SMG1: variants seen among roughly 807,000 people sequenced by gnomAD.
SMG1 encodes the protein serine/threonine-protein kinase SMG1.
Under a neutral mutation model 419.9 loss-of-function variants are expected in SMG1, and 22 were observed. The ratio of observed to expected loss-of-function variants is 0.05; its 90% CI spans 0.04 to 0.07. The LOEUF (loss-of-function observed/expected upper bound fraction) is 0.07, where lower values mean the gene tolerates loss of function less well. Ranked by LOEUF, SMG1 falls within the 10% of genes least tolerant of loss-of-function variation. The probability of loss-of-function intolerance (pLI) is 1.00; values close to 1 mark genes in which losing one functional copy is unlikely to be tolerated. For synonymous variants in SMG1, 1,538 were observed against 1,553.5 expected (o/e 0.99, Z 0.23); for missense variants, 3,185 against 4,342.0 (o/e 0.73, Z 7.49).
intron 3 of SMG1, among the ~76,000 whole-genome samples, chr16:18,893,999 G>A (rs991673676): frequency 6.6e-6 from 1 of 151,558 alleles, no homozygotes; most frequent in Non-Finnish European, 1.5e-5. Flanking sequence ...GGAGGCTGCA[G>A]TGAGCTGAGA....
chr16:18,925,821 C>G (rs1288246086), intron 1 of SMG1, 129 bp downstream of exon 1: 13 of 657,478 alleles, frequency 2.0e-5, no homozygotes, highest in Middle Eastern at 8.8e-4. Flanking sequence ...GGAGGAGACC[C>G]AGGAAGCCGC....
intron 12 of SMG1, 123 bp downstream of exon 12, chr16:18,877,008 C>T (rs1332279576): frequency 1.5e-6 from 1 of 682,880 alleles, no homozygotes. Flanking sequence ...AATACAATCA[C>T]TATATTCTAA....
intron 47 of SMG1, 35 bp from the exon 48 acceptor site, chr16:18,836,247 C>G (rs372978848): frequency 1.9e-6 from 3 of 1,601,120 alleles, no homozygotes; most frequent in Non-Finnish European, 2.6e-6. Context: ...CACAGTAAAA[C>G]AGGGTCAAGT....
intron 49 of SMG1, 32 bp downstream of exon 49, chr16:18,834,860 G>A: frequency 1.9e-6 from 3 of 1,597,732 alleles, no homozygotes; most frequent in African/African-American, 1.3e-5. Flanking sequence ...TAAGACACAG[G>A]AAATGGTCCA....
intron 1 of SMG1, among the ~76,000 whole-genome samples, chr16:18,908,837 G>A (rs999847005): frequency 2.0e-5 from 3 of 149,782 alleles, no homozygotes; most frequent in South Asian, 2.1e-4. Context: ...CTGAGATCAC[G>A]CCGCTGCACT....
chr16:18,840,250 TCA>T (rs1280021666), intron 41 of SMG1, among the ~76,000 whole-genome samples: 1 of 152,230 alleles, frequency 6.6e-6, no homozygotes, highest in Non-Finnish European at 1.5e-5. Flanking sequence ...AATACAGAAT[TCA>T]GTTTTAAAAT....
intron 9 of SMG1, 148 bp from the exon 10 acceptor site, chr16:18,882,486 C>T: frequency 2.1e-6 from 1 of 474,354 alleles, no homozygotes. Flanking sequence ...ATATTCATGA[C>T]TCTAAATATA....
Position 18,882,193 on chromosome 16 carries a change from G to A in SMG1, c.1265C>T (p.Pro422Leu), listed in dbSNP as rs761378143. The A allele has an allele frequency of 1.3e-6, 2 of 1,581,320 alleles. No individual in the cohort carries two copies. The highest frequency in any genetic ancestry group is 2.3e-5 in the East Asian group (1 of 44,094). ...IGERFSPIRG[P>L]PITEAYVTDV... The stretch of plus-strand genomic sequence containing the variant: ...TGTTACATATGCCTCAGTAATTGGA[G>A]GACCCCGAATTGGGCTGAAGCGTTC... The change falls in exon 10 of 63, where the codon CCT (proline) becomes CTT (leucine). Residue 422 changes from proline (P) to leucine (L), a missense_variant. Pro to Leu is a moderately conservative substitution (Grantham distance 98). Coordinates refer to ENST00000446231, the MANE Select transcript of SMG1 (RefSeq NM_015092.5).
At chr16:18,900,415 C>T (rs2037301406) in intron 1 of SMG1, among the ~76,000 whole-genome samples, 1 of 152,124 alleles carries the variant, frequency 6.6e-6, no homozygotes, top group South Asian at 2.1e-4. Context: ...ACCAACAATC[C>T]ACCATGTGCT....
chr16:18,891,604 T>G (rs1433248526), intron 4 of SMG1, among the ~76,000 whole-genome samples: 2 of 152,122 alleles, frequency 1.3e-5, no homozygotes, highest in Non-Finnish European at 2.9e-5. Context: ...CCAGCTAACT[T>G]TGTCTTTTTA....
rs774381535 is a variant in SMG1, at chr16:18,845,624, C to T, written c.6024G>A (p.Glu2008=). 1 of 1,610,364 alleles carries T rather than the reference C, an allele frequency of 6.2e-7. No homozygotes were observed. The highest frequency in any genetic ancestry group is 1.1e-5 in the South Asian group (1 of 90,874). ...TGGGCTTCATCAAAGCTGTGTGCTTCTCCCTCATGATTGCAATTTTCTCTT... is the reference window on the plus strand; with the variant it reads ...TGGGCTTCATCAAAGCTGTGTGCTTTTCCCTCATGATTGCAATTTTCTCTT... ...RKEEKIAIMR[E]KHTALMKPIV... is the part of the protein sequence containing the mutation. Residue 2008 remains glutamate, a synonymous_variant, in exon 39 of 63, where the codon GAG becomes GAA. Coordinates refer to ENST00000446231, the MANE Select transcript of SMG1 (RefSeq NM_015092.5).
At chr16:18,881,601 T>C (rs2141709458) in intron 10 of SMG1, among the ~76,000 whole-genome samples, 1 of 152,278 alleles carries the variant, frequency 6.6e-6, no homozygotes, top group East Asian at 1.9e-4. Context: ...ATGCCTGGGG[T>C]TCATTTCTTG....
chr16:18,896,028 T>C (rs1176152328), intron 3 of SMG1, 24 bp downstream of exon 3: 2 of 1,610,336 alleles, frequency 1.2e-6, no homozygotes, highest in Non-Finnish European at 8.5e-7. Flanking sequence ...TGTATGTGAT[T>C]GGTCCCCGTT....
chr16:18,829,123 A>G (rs1174422567), intron 54 of SMG1, among the ~76,000 whole-genome samples, 163 bp downstream of exon 54: 1 of 152,360 alleles, frequency 6.6e-6, no homozygotes, highest in East Asian at 1.9e-4. Context: ...GAAACGAAGT[A>G]TCATTGGAAA....
In SMG1 at chr16:18,834,249, C is replaced by G. The variant is rs763132136; in HGVS notation, c.8520G>C (p.Ala2840=). ...CATTGGCTAAGTGAACTGTCTCAGA[C>G]GCTTCCATGGGGTTCGGGATATCTA... ...QDLDIPNPME[A]SETVHLANGV... Residue 2840 remains alanine, a synonymous_variant, in exon 50 of 63, where the codon GCG becomes GCC. Coordinates refer to ENST00000446231, the MANE Select transcript of SMG1 (RefSeq NM_015092.5). 1 of 1,607,862 alleles carries G rather than the reference C, an allele frequency of 6.2e-7. No individual in the cohort carries two copies. Among genetic ancestry groups the G allele is most frequent in the South Asian group, 1.1e-5 (1 of 89,826 alleles).
In SMG1 at chr16:18,860,655, T is replaced by A. The variant is rs2035165699; in HGVS notation, c.3805+12A>T. 2 of 1,284,250 alleles carry A rather than the reference T, an allele frequency of 1.6e-6. No homozygotes were observed. The highest frequency in any genetic ancestry group is 4.7e-5 in the East Asian group (2 of 42,450). The allele number at this position is 1,284,250 out of a possible 1,614,324, so 79.6% of individuals were successfully genotyped here. A position where few individuals can be genotyped will look rare whatever the true frequency, so the allele number is the denominator to read the frequency against. On this transcript the variant is annotated intron_variant, in intron 26 of 62. Transcript: ENST00000446231. ...TCCACTAAAATAACTTTAAAACTAT[T>A]TTCTCAAATACCTATTTTTTCTTTT... is the stretch of plus-strand genomic sequence containing the variant.
At chr16:18,838,759 A>G in intron 42 of SMG1, 70 bp from the exon 43 acceptor site, 3 of 998,962 alleles carry the variant, frequency 3.0e-6, no homozygotes, top group Non-Finnish European at 4.5e-6. Flanking sequence ...TGGACGTGAT[A>G]CTATAAAATT....
chr16:18,834,085 A>AG, intron 50 of SMG1, 119 bp downstream of exon 50: 1 of 725,186 alleles, frequency 1.4e-6, no homozygotes, highest in Non-Finnish European at 2.3e-6. Context: ...TCTTCCTTTT[A>AG]AATGACTGGT....
rs1012050307 is a variant in SMG1, at chr16:18,806,224, G to A, written c.*3345C>T. ...AATTAAAAAAACAAAAAACAATGCAGATAACACCAAACATTGGACAATATT... is the reference window on the plus strand; with the variant it reads ...AATTAAAAAAACAAAAAACAATGCAAATAACACCAAACATTGGACAATATT... On this transcript the variant is annotated 3_prime_UTR_variant, in exon 63 of 63. Coordinates refer to ENST00000446231, the MANE Select transcript of SMG1 (RefSeq NM_015092.5). The A allele has an allele frequency of 1.3e-5, 2 of 152,536 alleles. No individual in the cohort carries two copies. Among genetic ancestry groups the A allele is most frequent in the African/African-American group, 2.4e-5 (1 of 41,412 alleles). 9.4% of individuals were successfully genotyped at this position (152,536 alleles called of 1,614,324 possible).
Sources: allele counts gnomAD v4.1 joint callset (sites outside exome capture counted in the v4.1 genomes callset), GRCh38; gene constraint gnomAD v4.1.1; transcripts MANE v1.5; gene names NCBI Gene and HGNC (gene_info 2026-07-23, HGNC 2026-07-21).